TRPC3: variants seen among roughly 807,000 people sequenced by gnomAD.
TRPC3 encodes transient receptor potential cation channel subfamily C member 3.
TRPC3 carries 54 observed loss-of-function variants against 90.9 expected under a neutral mutation model. The ratio of observed to expected loss-of-function variants is 0.59; its 90% CI spans 0.48 to 0.75. The LOEUF (loss-of-function observed/expected upper bound fraction) is 0.75. Among genes scored for constraint, TRPC3 ranks in the 30% least tolerant of loss-of-function variants. TRPC3 has a pLI of 0.00. For missense variants in TRPC3, 918 were observed against 1,194.5 expected (o/e 0.77, Z 3.41); for synonymous variants, 424 against 450.9 (o/e 0.94, Z 0.75).
In TRPC3 at chr4:121,907,364, T is replaced by A; in HGVS notation, c.1996A>T (p.Ile666Phe). 6 of 1,613,232 alleles carry A rather than the reference T, an allele frequency of 3.7e-6. No homozygotes were observed. Among genetic ancestry groups the A allele is most frequent in the Non-Finnish European group, 5.1e-6 (6 of 1,179,454 alleles). ...TAAGAATAAAGTATGAACATGCCAA[T>A]CATAAAGGCAAAAAACACCATAATA... is the stretch of plus-strand genomic sequence containing the variant. ...LFIMVFFAFM[I>F]GMFILYSYYL... The change falls in exon 7 of 12, where the codon ATT (isoleucine) becomes TTT (phenylalanine). Residue 666 changes from isoleucine (I) to phenylalanine (F), a missense_variant. By Grantham distance (21) the Ile-to-Phe change is conservative (BLOSUM62 0). Around this residue, in one of 4 missense-constraint regions of TRPC3, gnomAD observed 147 missense variants for 263.5 expected, o/e 0.56. Coordinates refer to ENST00000379645, the MANE Select transcript of TRPC3 (RefSeq NM_001130698.2).
chr4:121,881,679 T>C (rs1295086770), intron 11 of TRPC3, among the ~76,000 whole-genome samples: 1 of 152,138 alleles, frequency 6.6e-6, no homozygotes, highest in Non-Finnish European at 1.5e-5. Flanking sequence ...ATAGATTTAG[T>C]GGCATCTCAT....
intron 2 of TRPC3, among the ~76,000 whole-genome samples, chr4:121,927,455 G>C (rs1480523721): frequency 6.6e-6 from 1 of 152,186 alleles, no homozygotes; most frequent in African/African-American, 2.4e-5. Context: ...TGAAATGCTT[G>C]AGGAAAACAG....
At chr4:121,914,168 C>A (rs78789959) in intron 4 of TRPC3, among the ~76,000 whole-genome samples, 1 of 152,054 alleles carries the variant, frequency 6.6e-6, no homozygotes, top group African/African-American at 2.4e-5. Context: ...CCAAAATGAT[C>A]CAAGCAAAAC....
intron 1 of TRPC3, among the ~76,000 whole-genome samples, chr4:121,937,021 G>A (rs144035557): frequency 9.2e-5 from 14 of 152,228 alleles, no homozygotes; most frequent in South Asian, 4.2e-4. Flanking sequence ...GGAGCCATAG[G>A]GAACCCTCTG....
In TRPC3 at chr4:121,877,365, T is replaced by C. The variant is rs1727791458; in HGVS notation, c.*2371A>G. Among the ~76,000 whole-genome samples the C allele has an allele frequency of 6.6e-6, 1 of 152,184 alleles. No individual in the cohort carries two copies. The highest frequency in any genetic ancestry group is 2.4e-5 in the African/African-American group (1 of 41,440). On this transcript the variant is annotated 3_prime_UTR_variant, in exon 12 of 12. Transcript: ENST00000379645. Reference sequence around the variant, plus strand: ...CTTGAGTCTGGCATCACCCTAATCCTTTCAGGAGCTCTGGAGCATGAACTG... The same window carrying C: ...CTTGAGTCTGGCATCACCCTAATCCCTTCAGGAGCTCTGGAGCATGAACTG...
chr4:121,949,370 C>T (rs900110557), intron 1 of TRPC3, among the ~76,000 whole-genome samples: 7 of 152,218 alleles, frequency 4.6e-5, no homozygotes, highest in Middle Eastern at 6.8e-3. Flanking sequence ...AGAAGTACCC[C>T]GAGGAATTAT....
In TRPC3 at chr4:121,914,952, G is replaced by C. The variant is rs1411530211; in HGVS notation, c.1177-8C>G. The C allele has an allele frequency of 6.3e-7, 1 of 1,582,564 alleles. No homozygotes were observed. The highest frequency in any genetic ancestry group is 8.6e-7 in the Non-Finnish European group (1 of 1,156,784). The stretch of plus-strand genomic sequence containing the variant: ...GTTGGGATGAGCCACAAACTATTGG[G>C]AGAGAGAGAGTTTGAGAAGGGGAGA... On this transcript the variant is annotated splice_polypyrimidine_tract_variant and splice_region_variant and intron_variant, in intron 3 of 11. Coordinates refer to ENST00000379645, the MANE Select transcript of TRPC3 (RefSeq NM_001130698.2).
Position 121,910,323 on chromosome 4 carries a change from C to T in TRPC3, c.1623G>A (p.Leu541=). Residue 541 remains leucine (L), a synonymous_variant, in exon 6 of 12, where the codon TTG becomes TTA. Transcript: ENST00000379645. ...LEGPREYILQ[L]WNVLDFGMLS... ...GCATCCCAAAGTCAAGCACATTCCA[C>T]AACTGCAAAATGTATTCCCTAGGTC... The T allele has an allele frequency of 6.2e-7, 1 of 1,613,864 alleles. No individual in the cohort carries two copies. The highest frequency in any genetic ancestry group is 8.5e-7 in the Non-Finnish European group (1 of 1,179,814).
Position 121,932,790 on chromosome 4 carries a change from G to C in TRPC3, c.468C>G (p.Gly156=). ...GCTCGGTCACCTCCAGGTGCTCGTT[G>C]CCCACAGCCAGCTGCAGCGCGTTCT... ...MGQNALQLAV[G]NEHLEVTELL... Residue 156 remains glycine (G), a synonymous_variant, in exon 2 of 12, where the codon GGC becomes GGG. Transcript: ENST00000379645. This position sits in a 1 kb window ranked among gnomAD's most constrained non-coding sequence, Gnocchi z 7.7. 6.2e-7 allele frequency: 1 copy of C among 1,611,362 alleles called. No individual in the cohort carries two copies. The highest frequency in any genetic ancestry group is 8.5e-7 in the Non-Finnish European group (1 of 1,178,050).
At position 121,951,166 on chromosome 4, in the gene TRPC3, G is replaced by A. The variant is rs72919988; in HGVS notation, c.215+300C>T. Reference sequence around the variant, plus strand: ...GCTCTAATACAGGGAGTGGCTGCTCGCCAGGATGCTTGTCTGAAGTCAGTG... The same window carrying A: ...GCTCTAATACAGGGAGTGGCTGCTCACCAGGATGCTTGTCTGAAGTCAGTG... On this transcript the variant is annotated intron_variant, in intron 1 of 11. Coordinates refer to ENST00000379645, the MANE Select transcript of TRPC3 (RefSeq NM_001130698.2). This position sits in a 1 kb window ranked among gnomAD's most constrained non-coding sequence, Gnocchi z 4.4. 6.6e-6 allele frequency among the ~76,000 whole-genome samples: 1 copy of A among 152,206 alleles called. No individual in the cohort carries two copies. The highest frequency in any genetic ancestry group is 2.4e-5 in the African/African-American group (1 of 41,460).
At chr4:121,929,455 C>A (rs1379886821) in intron 2 of TRPC3, among the ~76,000 whole-genome samples, 1 of 152,142 alleles carries the variant, frequency 6.6e-6, no homozygotes, top group South Asian at 2.1e-4. Flanking sequence ...CAGTTTGCGT[C>A]CTCACAGCTT....
intron 4 of TRPC3, among the ~76,000 whole-genome samples, chr4:121,913,570 C>A (rs1430029491): frequency 2.0e-5 from 3 of 152,192 alleles, no homozygotes; most frequent in African/African-American, 7.2e-5. Context: ...TTAAGTTCCC[C>A]TAAGAGACAA....
chr4:121,931,575 A>G (rs531647239), intron 2 of TRPC3, among the ~76,000 whole-genome samples: 72 of 152,356 alleles, frequency 4.7e-4, no homozygotes, highest in Non-Finnish European at 8.7e-4. Flanking sequence ...AAATCTCTTA[A>G]AGCAAATCAC....
intron 3 of TRPC3, among the ~76,000 whole-genome samples, chr4:121,919,955 T>G (rs1729446372): frequency 2.0e-5 from 3 of 152,240 alleles, no homozygotes; most frequent in African/African-American, 7.2e-5. Flanking sequence ...GGGGAGTGGA[T>G]TAATGTTCAG....
At position 121,932,178 on chromosome 4, in the gene TRPC3, C is replaced by T. The variant is rs576001363; in HGVS notation, c.987+93G>A. On this transcript the variant is annotated intron_variant, in intron 2 of 11. Transcript: ENST00000379645. This position sits in a 1 kb window ranked among gnomAD's most constrained non-coding sequence, Gnocchi z 7.7. Reference sequence around the variant, plus strand: ...TGATTTCACATTCACTGGGCAAAACCGAATGTGGAGCGAACGGTGGCAGAG... The same window carrying T: ...TGATTTCACATTCACTGGGCAAAACTGAATGTGGAGCGAACGGTGGCAGAG... 3 of 1,536,384 alleles carry T rather than the reference C, an allele frequency of 2.0e-6. No homozygotes were observed. Among genetic ancestry groups the T allele is most frequent in the Admixed American group, 1.9e-5 (1 of 51,624 alleles).
chr4:121,891,413 C>T (rs72680784), intron 10 of TRPC3, among the ~76,000 whole-genome samples: 2,404 of 152,172 alleles, frequency 0.016, 34 homozygotes, highest in South Asian at 0.061. Flanking sequence ...GTGGTGAATA[C>T]TGACTATGTT....
Position 121,907,446 on chromosome 4 carries a change from G to A in TRPC3, c.1914C>T (p.Pro638=), listed in dbSNP as rs1728922780. ...YILPANESFG[P]LQISLGRTVK... is the part of the protein sequence containing the mutation. ...CAGTCCTTCCAAGAGAGATCTGCAGGGGGCCAAAGCTCTCATTTGCAGGGA... is the reference window on the plus strand; with the variant it reads ...CAGTCCTTCCAAGAGAGATCTGCAGAGGGCCAAAGCTCTCATTTGCAGGGA... Residue 638 remains proline, a synonymous_variant, in exon 7 of 12, where the codon CCC becomes CCT. Transcript: ENST00000379645. 6.2e-7 allele frequency: 1 copy of A among 1,613,432 alleles called. No homozygotes were observed. Among genetic ancestry groups the A allele is most frequent in the Non-Finnish European group, 8.5e-7 (1 of 1,179,558 alleles).
chr4:121,907,220 A>G, intron 7 of TRPC3, 83 bp downstream of exon 7: 1 of 1,291,750 alleles, frequency 7.7e-7, no homozygotes, highest in East Asian at 2.3e-5. Flanking sequence ...CTTTATTACA[A>G]TCAGAGAAAT....
intron 10 of TRPC3, among the ~76,000 whole-genome samples, chr4:121,890,657 A>G (rs756972806): frequency 4.6e-5 from 7 of 152,176 alleles, no homozygotes; most frequent in Non-Finnish European, 1.0e-4. Flanking sequence ...TTTCAATAAA[A>G]TTATTCAAAA....
Sources: allele counts gnomAD v4.1 joint callset (sites outside exome capture counted in the v4.1 genomes callset), GRCh38; gene constraint gnomAD v4.1.1; regional missense constraint gnomAD v4.1.1; non-coding constraint Gnocchi (gnomAD v3.1); transcripts MANE v1.5; gene names NCBI Gene and HGNC (gene_info 2026-07-23, HGNC 2026-07-21).